IGF2R: variants seen among roughly 807,000 people sequenced by gnomAD.
IGF2R encodes cation-independent mannose-6-phosphate receptor.
Under a neutral mutation model 270.6 loss-of-function variants are expected in IGF2R, and 91 were observed. The ratio of observed to expected loss-of-function variants is 0.34; its 90% CI spans 0.28 to 0.40. The LOEUF is 0.40. Ranked by LOEUF, IGF2R falls within the 10% of genes least tolerant of loss-of-function variation. The pLI is 1.00. For missense variants in IGF2R, 2,805 were observed against 3,188.3 expected, an observed-to-expected ratio of 0.88 and a Z score of 2.90; for synonymous variants, 1,316 against 1,258.9, an observed-to-expected ratio of 1.05 and a Z score of -0.96.
chr6:160,061,679 G>A (rs1277662996), intron 24 of IGF2R, 33 bp downstream of exon 24: 1 of 1,613,810 alleles, frequency 6.2e-7, no homozygotes, highest in Admixed American at 1.7e-5. Flanking sequence ...ATTGGCGTCT[G>A]TTCATTTTAT....
chr6:159,982,210 C>G (rs8191700), intron 1 of IGF2R, among the ~76,000 whole-genome samples: 1 of 152,180 alleles, frequency 6.6e-6, no homozygotes, highest in African/African-American at 2.4e-5. Flanking sequence ...GGAACCCTGC[C>G]TCCTTGCTCC....
At chr6:160,059,459 T>A (rs1778385544) in intron 22 of IGF2R, among the ~76,000 whole-genome samples, 1 of 152,036 alleles carries the variant, frequency 6.6e-6, no homozygotes, top group African/African-American at 2.4e-5. Flanking sequence ...TCATCCTCTG[T>A]ATGTGTGTAT....
intron 46 of IGF2R, among the ~76,000 whole-genome samples, chr6:160,103,262 A>C (rs753633144): frequency 1.3e-5 from 2 of 151,732 alleles, no homozygotes; most frequent in Non-Finnish European, 2.9e-5. Context: ...TGGAGGTTGC[A>C]GTGAGCCAAG....
chr6:160,103,859 C>T (rs371947984), intron 47 of IGF2R, 44 bp downstream of exon 47: 16 of 1,310,826 alleles, frequency 1.2e-5, no homozygotes, highest in Non-Finnish European at 1.5e-5. Flanking sequence ...CCTCCCCGGC[C>T]CCCTGTGCTG....
chr6:160,020,625 C>T (rs1777409949), intron 4 of IGF2R, among the ~76,000 whole-genome samples: 1 of 152,074 alleles, frequency 6.6e-6, no homozygotes, highest in South Asian at 2.1e-4. Flanking sequence ...GAATAGAAAA[C>T]CCAGAGTCAA....
In IGF2R at chr6:160,000,777, C is replaced by A. The variant is rs562216174; in HGVS notation, c.290-8233C>A. The stretch of plus-strand genomic sequence containing the variant: ...TTGAGACAGAATCTTGCTCTGTTGC[C>A]CAGGCCGGAGTGCAGTGGCGCCATC... On this transcript the variant is annotated intron_variant, in intron 2 of 47. Transcript: ENST00000356956. Among the ~76,000 whole-genome samples, 4 of 136,322 alleles carry A rather than the reference C, an allele frequency of 2.9e-5. No individual in the cohort carries two copies. In the South Asian group the frequency reaches 9.7e-4, roughly 33 times the overall value. 89.4% of individuals were successfully genotyped at this position (136,322 alleles called of 152,430 possible).
At chr6:159,979,961 G>T (rs921529742) in intron 1 of IGF2R, among the ~76,000 whole-genome samples, 8 of 152,168 alleles carry the variant, frequency 5.3e-5, no homozygotes, top group Non-Finnish European at 1.0e-4. Flanking sequence ...GGAGGCCGAG[G>T]CGGGTGGATC....
intron 12 of IGF2R, 52 bp from the exon 13 acceptor site, chr6:160,044,462 G>A (rs375424062): frequency 1.1e-4 from 138 of 1,273,518 alleles, no homozygotes; most frequent in Middle Eastern, 5.0e-4. Context: ...CTTTGTCTGC[G>A]TGATGATCAT....
intron 4 of IGF2R, among the ~76,000 whole-genome samples, chr6:160,019,985 C>T (rs901092791): frequency 5.9e-5 from 9 of 152,126 alleles, no homozygotes; most frequent in South Asian, 2.1e-4. Flanking sequence ...AGAAAGAAAA[C>T]GCATCCAGAT....
At chr6:160,037,494 A>G (rs961941003) in intron 10 of IGF2R, among the ~76,000 whole-genome samples, 3 of 152,234 alleles carry the variant, frequency 2.0e-5, no homozygotes, top group Non-Finnish European at 4.4e-5. Flanking sequence ...TTAATTGGCT[A>G]TGTAATAGAA....
intron 45 of IGF2R, among the ~76,000 whole-genome samples, chr6:160,101,489 A>G (rs1779483805): frequency 6.6e-6 from 1 of 152,044 alleles, no homozygotes; most frequent in Non-Finnish European, 1.5e-5. Flanking sequence ...GATGTTTTAG[A>G]TTGTTTGGCT....
chr6:160,031,217 G>A (rs1054230643), intron 7 of IGF2R, among the ~76,000 whole-genome samples: 1 of 152,166 alleles, frequency 6.6e-6, no homozygotes, highest in African/African-American at 2.4e-5. Context: ...TACTTGGGAG[G>A]TTTGTTTAAG....
chr6:160,052,538 C>T (rs547527871), intron 19 of IGF2R, among the ~76,000 whole-genome samples: 3 of 152,322 alleles, frequency 2.0e-5, no homozygotes, highest in Admixed American at 2.0e-4. Flanking sequence ...AATACCATCC[C>T]CATCAAGCTA....
chr6:160,039,990 T>A (rs1389537378), intron 10 of IGF2R, among the ~76,000 whole-genome samples: 1 of 152,154 alleles, frequency 6.6e-6, no homozygotes, highest in Non-Finnish European at 1.5e-5. Context: ...TGTTTGGAGT[T>A]GTGCTGCTAA....
intron 4 of IGF2R, among the ~76,000 whole-genome samples, chr6:160,023,170 A>G (rs1353404429): frequency 2.6e-5 from 4 of 152,054 alleles, no homozygotes; most frequent in African/African-American, 9.7e-5. Context: ...CAGGCAAGAG[A>G]TTATGGTGGC....
Position 160,086,070 on chromosome 6 carries a change from C to T in IGF2R, c.6205+939C>T, listed in dbSNP as rs77403110. Among the ~76,000 whole-genome samples, 1,086 of 152,338 alleles carry T rather than the reference C, an allele frequency of 7.1e-3. 11 individuals carry two copies. The highest frequency in any genetic ancestry group is 0.025 in the African/African-American group (1,023 of 41,576). On this transcript the variant is annotated intron_variant, in intron 41 of 47. Transcript: ENST00000356956. ...CTAGTCTTTCCCCAACTTCAGCCAA[C>T]TGAAATGACTAAAACACTTAAGGCT... is the stretch of plus-strand genomic sequence containing the variant.
At chr6:160,046,942 A>G (rs1378526773) in intron 15 of IGF2R, among the ~76,000 whole-genome samples, 1 of 152,168 alleles carries the variant, frequency 6.6e-6, no homozygotes, top group African/African-American at 2.4e-5. Flanking sequence ...CTGCAGTTCA[A>G]ATGAAGTGAG....
chr6:160,033,760 G>A (rs932970999), intron 9 of IGF2R, among the ~76,000 whole-genome samples: 2 of 152,202 alleles, frequency 1.3e-5, no homozygotes. Context: ...TTCTCTGGCA[G>A]TTTGAGAATC....
intron 1 of IGF2R, among the ~76,000 whole-genome samples, chr6:159,969,764 C>T (rs910510229): frequency 6.6e-6 from 1 of 152,148 alleles, no homozygotes; most frequent in African/African-American, 2.4e-5. Context: ...CTCCAGTTTG[C>T]TTTGTTCCCG....
Sources: gnomAD v4.1 joint callset for allele counts (sites outside exome capture counted in the v4.1 genomes callset) on GRCh38, gnomAD v4.1.1 for gene constraint, MANE v1.5 for transcripts, NCBI Gene and HGNC (gene_info 2026-07-23, HGNC 2026-07-21) for gene names.